The following NEXN variants were observed in gnomAD, a reference collection of about 807,000 sequenced individuals.
NEXN encodes the protein nexilin F-actin binding protein.
NEXN carries 65 observed loss-of-function variants against 92.6 expected under a neutral mutation model. That is an observed-to-expected ratio of 0.70 (90% CI 0.57 to 0.86). The LOEUF (loss-of-function observed/expected upper bound fraction) is 0.86. Ranked by LOEUF, NEXN falls within the 40% of genes least tolerant of loss-of-function variation. NEXN has a pLI of 0.00. For synonymous variants in NEXN, 254 were observed against 242.5 expected (o/e 1.05, Z -0.44); for missense variants, 778 against 771.1 (o/e 1.01, Z -0.11).
chr1:77,929,431 G>A lies in NEXN; in HGVS notation c.980G>A (p.Arg327Lys). 1 of 1,613,606 alleles carries A rather than the reference G, an allele frequency of 6.2e-7. No homozygotes were observed. Among genetic ancestry groups the A allele is most frequent in the African/African-American group, 1.3e-5 (1 of 75,018 alleles). Reference protein sequence around the residue: ...MERQRREDEKRKAEEEARRRI... With the variant: ...MERQRREDEKKKAEEEARRRI... ...AGGCAAAGAAGAGAAGATGAAAAAA[G>A]GAAAGCAGAAGAAGAAGCCAGAAGG... The change falls in exon 9 of 13, where the codon AGG (arginine) becomes AAG (lysine). Residue 327 changes from arginine (R) to lysine (K), a missense_variant. Arg to Lys is a conservative substitution (Grantham distance 26). Coordinates refer to ENST00000334785, the MANE Select transcript of NEXN (RefSeq NM_144573.4).
chr1:77,932,389 T>G (rs895547907), intron 9 of NEXN, among the ~76,000 whole-genome samples: 2 of 152,196 alleles, frequency 1.3e-5, no homozygotes, highest in African/African-American at 4.8e-5. Flanking sequence ...AATTAATACA[T>G]TTTACATGTA....
chr1:77,921,941 C>CT (rs906563711), intron 5 of NEXN, among the ~76,000 whole-genome samples: 1 of 151,606 alleles, frequency 6.6e-6, no homozygotes, highest in Non-Finnish European at 1.5e-5. Flanking sequence ...CCAAAAAAGT[C>CT]TTTTTTTGTA....
chr1:77,931,211 C>A lies in NEXN; in HGVS notation c.1053+1707C>A, dbSNP rs1207602070. ...GACCATCCTGGCTAACATGTTGAAA[C>A]CCCGTCTCTACTAAAAATACAAAAA... On this transcript the variant is annotated intron_variant, in intron 9 of 12. Coordinates refer to ENST00000334785, the MANE Select transcript of NEXN (RefSeq NM_144573.4). Among the ~76,000 whole-genome samples the A allele has an allele frequency of 5.8e-5, 8 of 138,506 alleles. No homozygotes were observed. The Admixed American group carries it at 5.9e-4, about 10-fold the overall frequency. The allele number at this position is 138,506 out of a possible 152,430, so 90.9% of individuals were successfully genotyped here.
chr1:77,938,851 A>G (rs1232592179), intron 11 of NEXN, among the ~76,000 whole-genome samples: 1 of 152,200 alleles, frequency 6.6e-6, no homozygotes, highest in Non-Finnish European at 1.5e-5. Context: ...TGGGGAATGG[A>G]AAACAGGTTC....
intron 11 of NEXN, among the ~76,000 whole-genome samples, chr1:77,939,665 A>G (rs962454281): frequency 2.6e-5 from 4 of 152,354 alleles, no homozygotes; most frequent in Middle Eastern, 3.4e-3. Flanking sequence ...GTATTAGGAC[A>G]TGGCTGAACT....
At chr1:77,937,136 T>C (rs1377636590) in intron 11 of NEXN, among the ~76,000 whole-genome samples, 1 of 151,186 alleles carries the variant, frequency 6.6e-6, no homozygotes, top group African/African-American at 2.4e-5. Flanking sequence ...CAAAACCGTA[T>C]CTGTACAAAA....
intron 5 of NEXN, among the ~76,000 whole-genome samples, chr1:77,921,914 C>G (rs988231604): frequency 6.6e-6 from 1 of 151,954 alleles, no homozygotes; most frequent in East Asian, 1.9e-4. Context: ...ACCCTGCTGT[C>G]TCTACAAAAA....
chr1:77,933,563 A>T, intron 10 of NEXN, 84 bp downstream of exon 10: 1 of 1,023,132 alleles, frequency 9.8e-7, no homozygotes, highest in Non-Finnish European at 1.5e-6. Flanking sequence ...ACTTTGTATT[A>T]TTATTCACCT....
chr1:77,930,794 G>A (rs190085121), intron 9 of NEXN, among the ~76,000 whole-genome samples: 1 of 152,242 alleles, frequency 6.6e-6, no homozygotes, highest in East Asian at 1.9e-4. Context: ...CCTCTGGAAA[G>A]CCTTTCCTGA....
At chr1:77,909,295 C>T (rs560295089) in intron 1 of NEXN, among the ~76,000 whole-genome samples, 1 of 152,198 alleles carries the variant, frequency 6.6e-6, no homozygotes, top group East Asian at 1.9e-4. Context: ...TGGGGCATGC[C>T]TGTAATCCCA....
At chr1:77,899,737 C>T (rs967084841) in intron 1 of NEXN, among the ~76,000 whole-genome samples, 1 of 151,594 alleles carries the variant, frequency 6.6e-6, no homozygotes, top group Non-Finnish European at 1.5e-5. Flanking sequence ...ACTTTTTGTT[C>T]CCTTTCATCT....
At chr1:77,908,740 G>T (rs1342194157) in intron 1 of NEXN, among the ~76,000 whole-genome samples, 1 of 152,112 alleles carries the variant, frequency 6.6e-6, no homozygotes, top group Non-Finnish European at 1.5e-5. Context: ...GGAAAGATAG[G>T]TTTTTTCCTA....
chr1:77,927,670 T>C (rs1019852025), intron 8 of NEXN, among the ~76,000 whole-genome samples: 1 of 152,026 alleles, frequency 6.6e-6, no homozygotes, highest in Non-Finnish European at 1.5e-5. Context: ...GGCCAGATTG[T>C]CTAGATTCAG....
chr1:77,933,138 G>C, intron 9 of NEXN, 144 bp from the exon 10 acceptor site: 1 of 590,816 alleles, frequency 1.7e-6, no homozygotes. Context: ...TCCAGCCTGG[G>C]CAATAAGAGT....
At chr1:77,925,143 T>C (rs747204581) in intron 5 of NEXN, 45 bp from the exon 6 acceptor site, 6 of 1,326,604 alleles carry the variant, frequency 4.5e-6, no homozygotes, top group South Asian at 1.3e-5. Flanking sequence ...AAGCAAAAAG[T>C]AGAAATCTGA....
chr1:77,890,875 GTTATT>G (rs1647091372), intron 1 of NEXN, among the ~76,000 whole-genome samples: 1 of 152,128 alleles, frequency 6.6e-6, no homozygotes, highest in South Asian at 2.1e-4. Flanking sequence ...AGAGAGGACT[GTTATT>G]TTATAGTTAT....
chr1:77,942,360 G>A (rs1651421035), intron 12 of NEXN, 101 bp from the exon 13 acceptor site: 1 of 1,407,280 alleles, frequency 7.1e-7, no homozygotes, highest in Admixed American at 1.7e-5. Context: ...ACACTTGTAT[G>A]TTCTTTACTT....
chr1:77,891,878 G>A (rs536094746), intron 1 of NEXN, among the ~76,000 whole-genome samples: 1 of 151,938 alleles, frequency 6.6e-6, no homozygotes, highest in Non-Finnish European at 1.5e-5. Flanking sequence ...AGGAGTTCAG[G>A]ACCAGGCCTG....
rs940767879 is a variant in NEXN, at chr1:77,932,925, G to T, written c.1054-357G>T. Reference sequence around the variant, plus strand: ...CACGCCTGTAATCCCAGCACTTTGGGAGGCCAAGGCAGACGGATCACCTGT... The same window carrying T: ...CACGCCTGTAATCCCAGCACTTTGGTAGGCCAAGGCAGACGGATCACCTGT... On this transcript the variant is annotated intron_variant, in intron 9 of 12. Coordinates refer to ENST00000334785, the MANE Select transcript of NEXN (RefSeq NM_144573.4). The T allele has an allele frequency of 7.9e-5, 15 of 189,896 alleles. No individual in the cohort carries two copies. In the South Asian group the frequency reaches 1.3e-3, roughly 16 times the overall value. 11.8% of individuals were successfully genotyped at this position (189,896 alleles called of 1,614,324 possible). A position where few individuals can be genotyped will look rare whatever the true frequency, so the allele number is the denominator to read the frequency against.
Sources: allele counts gnomAD v4.1 joint callset (sites outside exome capture counted in the v4.1 genomes callset), GRCh38; gene constraint gnomAD v4.1.1; transcripts MANE v1.5; gene names NCBI Gene and HGNC (gene_info 2026-07-23, HGNC 2026-07-21).